The following MYT1L variants were observed in gnomAD, a reference collection of about 807,000 sequenced individuals.
MYT1L encodes the protein myelin transcription factor 1-like protein.
A neutral mutation model predicts 126.7 loss-of-function variants in MYT1L; 12 were observed. That is an observed-to-expected ratio of 0.09 (90% CI 0.06 to 0.15). MYT1L has a LOEUF of 0.15. MYT1L is among the 10% of genes least tolerant of loss of function. The pLI, the probability that MYT1L is intolerant of heterozygous loss-of-function variation, is 1.00. For missense variants in MYT1L, 979 were observed against 1,585.2 expected (o/e 0.62, Z 6.49); for synonymous variants, 541 against 604.2 (o/e 0.90, Z 1.53).
chr2:2,316,828 C>T (rs867967265), intron 1 of MYT1L, among the ~76,000 whole-genome samples: 24 of 149,922 alleles, frequency 1.6e-4, no homozygotes, highest in African/African-American at 4.2e-4. Flanking sequence ...ATTTTTTTTT[C>T]GAGACAGAGT....
In MYT1L at chr2:2,263,298, G is replaced by A. The variant is rs1208678120; in HGVS notation, c.-421+21106C>T. On this transcript the variant is annotated intron_variant, in intron 2 of 24. Transcript: ENST00000647738. The stretch of plus-strand genomic sequence containing the variant: ...AACCCTACTGGCAGAGAGCGAGGAG[G>A]GCCAATCACCTCCCAGCTCCAGGGT... 3.9e-5 allele frequency among the ~76,000 whole-genome samples: 6 copies of A among 151,992 alleles called. No individual in the cohort carries two copies. In the South Asian group the frequency reaches 6.3e-4, roughly 16 times the overall value.
chr2:1,823,619 C>G (rs1167830486), intron 21 of MYT1L, among the ~76,000 whole-genome samples: 1 of 150,454 alleles, frequency 6.6e-6, no homozygotes, highest in African/African-American at 2.4e-5. Flanking sequence ...GCTGCATGTT[C>G]AGCCCTGCAG....
intron 2 of MYT1L, among the ~76,000 whole-genome samples, chr2:2,207,150 A>C (rs540891315): frequency 4.6e-5 from 7 of 152,350 alleles, no homozygotes; most frequent in Non-Finnish European, 8.8e-5. Flanking sequence ...ACAAGAACCC[A>C]ACCTTCTCTT....
rs11675862 is a variant in MYT1L, at chr2:1,870,959, C to A, written c.2711+15580G>T. 2.0e-3 allele frequency among the ~76,000 whole-genome samples: 305 copies of A among 152,162 alleles called. 4 individuals are homozygous for A. The highest frequency in any genetic ancestry group is 6.8e-3 in the African/African-American group (284 of 41,522). ...GTTTCTCACTGGTCTTCTGCTTTAC[C>A]CGCCCTGCCCTAGGCTGGGGCTGTG... On this transcript the variant is annotated intron_variant, in intron 18 of 24. Transcript: ENST00000647738.
chr2:2,216,806 A>C (rs139264841), intron 2 of MYT1L, among the ~76,000 whole-genome samples: 1 of 150,680 alleles, frequency 6.6e-6, no homozygotes, highest in Non-Finnish European at 1.5e-5. Flanking sequence ...AGAGAGAGAG[A>C]GAACACAATT....
intron 4 of MYT1L, among the ~76,000 whole-genome samples, chr2:2,022,165 G>A (rs2065102105): frequency 6.6e-6 from 1 of 152,240 alleles, no homozygotes; most frequent in Non-Finnish European, 1.5e-5. Flanking sequence ...GCCTTACTTC[G>A]CCATGGCAAC....
At chr2:2,194,442 A>G (rs1412498752) in intron 2 of MYT1L, among the ~76,000 whole-genome samples, 2 of 152,144 alleles carry the variant, frequency 1.3e-5, no homozygotes, top group Admixed American at 1.3e-4. Context: ...TATGATATTG[A>G]GATATAAAAT....
chr2:1,796,127 C>G (rs2033447197), intron 23 of MYT1L, among the ~76,000 whole-genome samples: 1 of 152,222 alleles, frequency 6.6e-6, no homozygotes, highest in Non-Finnish European at 1.5e-5. Flanking sequence ...TGTGTTGAAA[C>G]AGGGTCACAC....
chr2:1,860,304 A>G (rs1284966639), intron 18 of MYT1L, among the ~76,000 whole-genome samples: 1 of 151,958 alleles, frequency 6.6e-6, no homozygotes, highest in Non-Finnish European at 1.5e-5. Flanking sequence ...GACTCGGAGG[A>G]CCCATGCAAA....
chr2:2,095,302 T>C (rs954515720), intron 3 of MYT1L, among the ~76,000 whole-genome samples: 1 of 152,194 alleles, frequency 6.6e-6, no homozygotes, highest in Admixed American at 6.5e-5. Flanking sequence ...CAACTCTCCT[T>C]TCTCTCTCCA....
At chr2:2,056,997 G>C (rs905608668) in intron 3 of MYT1L, among the ~76,000 whole-genome samples, 1 of 152,146 alleles carries the variant, frequency 6.6e-6, no homozygotes, top group African/African-American at 2.4e-5. Context: ...AAAGAATACA[G>C]AGATCCCATG....
At chr2:2,212,058 A>G (rs995884577) in intron 2 of MYT1L, among the ~76,000 whole-genome samples, 2 of 152,300 alleles carry the variant, frequency 1.3e-5, no homozygotes, top group East Asian at 3.9e-4. Flanking sequence ...CAGACTGTCC[A>G]TGGTCTGCAA....
intron 4 of MYT1L, among the ~76,000 whole-genome samples, chr2:2,053,183 C>T (rs1176493608): frequency 6.6e-6 from 1 of 152,162 alleles, no homozygotes. Flanking sequence ...CGTACAATGC[C>T]ACTCACATGA....
chr2:1,995,308 G>T (rs966019997), intron 5 of MYT1L, among the ~76,000 whole-genome samples: 1 of 152,206 alleles, frequency 6.6e-6, no homozygotes, highest in African/African-American at 2.4e-5. Context: ...ACGCTGCTAT[G>T]TGCCCAGTGC....
At chr2:2,259,793 T>A (rs1214130011) in intron 2 of MYT1L, among the ~76,000 whole-genome samples, 1 of 152,148 alleles carries the variant, frequency 6.6e-6, no homozygotes, top group African/African-American at 2.4e-5. Context: ...TGGAGCCCTG[T>A]CAATGTGTGT....
intron 2 of MYT1L, among the ~76,000 whole-genome samples, chr2:2,237,815 T>C (rs1166104424): frequency 6.6e-6 from 1 of 152,196 alleles, no homozygotes; most frequent in Non-Finnish European, 1.5e-5. Flanking sequence ...CATCTGCACC[T>C]GGGTTCTGCC....
chr2:2,181,750 C>T (rs554882588), intron 2 of MYT1L, among the ~76,000 whole-genome samples: 28 of 152,256 alleles, frequency 1.8e-4, no homozygotes, highest in African/African-American at 6.0e-4. Flanking sequence ...GGGTGCATGC[C>T]GAGAAGTGAG....
intron 18 of MYT1L, among the ~76,000 whole-genome samples, chr2:1,861,820 C>A: frequency 6.6e-6 from 1 of 152,108 alleles, no homozygotes; most frequent in Admixed American, 6.5e-5. Flanking sequence ...CTGCCTGCAG[C>A]CTGTGTAATC....
chr2:2,252,149 C>T (rs1031551684), intron 2 of MYT1L, among the ~76,000 whole-genome samples: 18 of 152,150 alleles, frequency 1.2e-4, no homozygotes, highest in African/African-American at 4.1e-4. Context: ...CTCTCTGCTG[C>T]CCTGTCTCAG....
Sources: allele counts gnomAD v4.1 joint callset (sites outside exome capture counted in the v4.1 genomes callset), GRCh38; gene constraint gnomAD v4.1.1; transcripts MANE v1.5; gene names NCBI Gene and HGNC (gene_info 2026-07-23, HGNC 2026-07-21).